The following MYOM1 variants were observed in gnomAD, a reference collection of about 807,000 sequenced individuals.
The protein encoded by MYOM1 is myomesin 1, also known as myomesin-1.
Under a neutral mutation model 205.3 loss-of-function variants are expected in MYOM1, and 164 were observed. The observed-to-expected ratio is 0.80, with a 90% CI of 0.70 to 0.91. The LOEUF is 0.91. Ranked by LOEUF, MYOM1 falls within the 40% of genes least tolerant of loss-of-function variation. The pLI is 0.00. For missense variants in MYOM1, 2,011 were observed against 2,127.3 expected, an observed-to-expected ratio of 0.95 and a Z score of 1.08; for synonymous variants, 772 against 789.4, an observed-to-expected ratio of 0.98 and a Z score of 0.37.
chr18:3,191,875 T>G (rs1343166324), intron 3 of MYOM1, among the ~76,000 whole-genome samples: 2 of 151,936 alleles, frequency 1.3e-5, no homozygotes, highest in Non-Finnish European at 2.9e-5. Context: ...TTTTTGTATT[T>G]TTAGTAGAGA....
Position 3,075,451 on chromosome 18 carries a change from T to G in MYOM1, c.4708+3A>C. 6.2e-7 allele frequency: 1 copy of G among 1,611,786 alleles called. No homozygotes were observed. The highest frequency in any genetic ancestry group is 8.5e-7 in the Non-Finnish European group (1 of 1,178,198). ...GTGAAAAGTAAAAAAAAAGTTTACT[T>G]ACTTTTCTCGGCAATGGCAGCTTGT... is the stretch of plus-strand genomic sequence containing the variant. On this transcript the variant is annotated splice_donor_region_variant and intron_variant, in intron 36 of 37. Transcript: ENST00000356443.
At chr18:3,242,708 C>A in the MYOM1 span, among the ~76,000 whole-genome samples, 1 of 152,072 alleles carries the variant, frequency 6.6e-6, no homozygotes, top group Non-Finnish European at 1.5e-5. Context: ...GGGGTTTCAC[C>A]ATGTTGGCCA....
At chr18:3,158,831 C>T (rs1428996024) in intron 10 of MYOM1, among the ~76,000 whole-genome samples, 1 of 152,168 alleles carries the variant, frequency 6.6e-6, no homozygotes, top group African/African-American at 2.4e-5. Context: ...CCAGGCTGGT[C>T]TTGAACTCCT....
rs1286885926 is a variant in MYOM1, at chr18:3,179,269, C to T, written c.930-3135G>A. 5.9e-5 allele frequency among the ~76,000 whole-genome samples: 9 copies of T among 152,110 alleles called. No homozygotes were observed. Among genetic ancestry groups the T allele is most frequent in the Non-Finnish European group, 1.2e-4 (8 of 68,026 alleles). On this transcript the variant is annotated intron_variant, in intron 5 of 37. Coordinates refer to ENST00000356443, the MANE Select transcript of MYOM1 (RefSeq NM_003803.4). This position sits in a 1 kb window ranked among gnomAD's most constrained non-coding sequence, Gnocchi z 4.4. ...TAAATTTGGTTGAACAGAATTAGCACGTAATGCAATAGATTAATTGTAGCT... is the reference window on the plus strand; with the variant it reads ...TAAATTTGGTTGAACAGAATTAGCATGTAATGCAATAGATTAATTGTAGCT...
At chr18:3,080,900 G>A (rs55832417) in intron 33 of MYOM1, among the ~76,000 whole-genome samples, 17,651 of 152,106 alleles carry the variant, frequency 0.12, 1,137 homozygotes, top group African/African-American at 0.15. Context: ...TTGGGAGGCC[G>A]AGGCAGGTGG....
intron 3 of MYOM1, among the ~76,000 whole-genome samples, chr18:3,191,989 C>A (rs536291083): frequency 1.3e-5 from 2 of 152,300 alleles, no homozygotes; most frequent in African/African-American, 4.8e-5. Flanking sequence ...AGCCACCGTG[C>A]CTGGCCTCAC....
intron 3 of MYOM1, among the ~76,000 whole-genome samples, chr18:3,191,898 G>A (rs567620148): frequency 1.6e-4 from 25 of 152,062 alleles, no homozygotes; most frequent in Middle Eastern, 6.8e-3. Flanking sequence ...GGGTTTCACC[G>A]TGTTAGCCAG....
At chr18:3,221,553 A>G (rs757313394), upstream of MYOM1, among the ~76,000 whole-genome samples, 44 of 152,390 alleles carry the variant, frequency 2.9e-4, no homozygotes, top group Non-Finnish European at 5.4e-4. Context: ...CACAGCGGGT[A>G]GATGACAGAA....
At chr18:3,148,844 C>CAAAAAAAAAA (rs71159049) in intron 13 of MYOM1, among the ~76,000 whole-genome samples, 6 of 47,946 alleles carry the variant, frequency 1.3e-4, no homozygotes, top group African/African-American at 2.9e-4. Flanking sequence ...AGACTCCATC[C>CAAAAAAAAAA]AAAAAAAAAA....
rs2080953784 is a variant in MYOM1, at chr18:3,193,803, A to G, written c.431+15T>C. On this transcript the variant is annotated intron_variant, in intron 3 of 37. Coordinates refer to ENST00000356443, the MANE Select transcript of MYOM1 (RefSeq NM_003803.4). ...CTTCTTAAAAATTAAAGCCAGGAAG[A>G]AAAAGCACACTCACCGTCCTGAGAA... The G allele has an allele frequency of 3.1e-6, 5 of 1,603,744 alleles. No homozygotes were observed. Among genetic ancestry groups the G allele is most frequent in the African/African-American group, 1.3e-5 (1 of 74,312 alleles).
At chr18:3,151,949 A>G in intron 11 of MYOM1, 56 bp from the exon 12 acceptor site, 5 of 1,547,638 alleles carry the variant, frequency 3.2e-6, no homozygotes, top group Non-Finnish European at 4.4e-6. Flanking sequence ...CTTAATGAAT[A>G]TCTCCAGAGC....
intron 9 of MYOM1, 49 bp downstream of exon 9, chr18:3,168,768 T>C (rs757925980): frequency 6.3e-7 from 1 of 1,599,910 alleles, no homozygotes; most frequent in Admixed American, 1.7e-5. Context: ...CAATCTGGTC[T>C]ACAACCTTCG....
At chr18:3,138,548 T>C (rs1449753661) in intron 14 of MYOM1, among the ~76,000 whole-genome samples, 1 of 152,236 alleles carries the variant, frequency 6.6e-6, no homozygotes, top group East Asian at 1.9e-4. Context: ...GTGTTTTTTA[T>C]GATAACATTA....
intron 20 of MYOM1, among the ~76,000 whole-genome samples, chr18:3,119,316 C>A: frequency 6.6e-6 from 1 of 152,198 alleles, no homozygotes; most frequent in Non-Finnish European, 1.5e-5. Context: ...AAACCCTAGA[C>A]AGGTGCACGA....
At position 3,071,898 on chromosome 18, in the gene MYOM1, A is replaced by C. The variant is rs759105315; in HGVS notation, c.4709-9T>G. On this transcript the variant is annotated splice_polypyrimidine_tract_variant and intron_variant, in intron 36 of 37. Transcript: ENST00000356443. ...CAACACCCGGGCACGATCTGCAAGCATAGGCATTTTGGGTTAATCACTGCA... is the reference window on the plus strand; with the variant it reads ...CAACACCCGGGCACGATCTGCAAGCCTAGGCATTTTGGGTTAATCACTGCA... 1.2e-6 allele frequency: 2 copies of C among 1,602,048 alleles called. No individual in the cohort carries two copies.
At chr18:3,174,639 G>A (rs2080609850) in intron 6 of MYOM1, among the ~76,000 whole-genome samples, 1 of 152,196 alleles carries the variant, frequency 6.6e-6, no homozygotes, top group South Asian at 2.1e-4. Context: ...TGGAGGGCGT[G>A]GCTTTCCTGC....
intron 5 of MYOM1, among the ~76,000 whole-genome samples, chr18:3,187,251 A>G (rs1238272203): frequency 1.3e-5 from 2 of 152,242 alleles, no homozygotes; most frequent in African/African-American, 4.8e-5. Flanking sequence ...ATCCATTTGT[A>G]TAATAGGATT....
At position 3,209,452 on chromosome 18, in the gene MYOM1, C is replaced by G. The variant is rs1292528338; in HGVS notation, c.290+5482G>C. 6.6e-6 allele frequency among the ~76,000 whole-genome samples: 1 copy of G among 152,226 alleles called. No homozygotes were observed. Among genetic ancestry groups the G allele is most frequent in the Non-Finnish European group, 1.5e-5 (1 of 68,036 alleles). On this transcript the variant is annotated intron_variant, in intron 2 of 37. Coordinates refer to ENST00000356443, the MANE Select transcript of MYOM1 (RefSeq NM_003803.4). The surrounding 1 kb of genome is among the most constrained non-coding windows in gnomAD (Gnocchi z 4.0). ...CACAGTGATGCTGTTACCACTGAGT[C>G]AGAGCATGTCGCTATTCTGCTCAAA...
chr18:3,154,485 A>T (rs1307941312), intron 11 of MYOM1, among the ~76,000 whole-genome samples: 1 of 151,904 alleles, frequency 6.6e-6, no homozygotes, highest in East Asian at 1.9e-4. Context: ...CTAAGTTCCA[A>T]AGATGAATTT....
Sources: gnomAD v4.1 joint callset for allele counts (sites outside exome capture counted in the v4.1 genomes callset) on GRCh38, gnomAD v4.1.1 for gene constraint, Gnocchi (gnomAD v3.1) non-coding constraint, MANE v1.5 for transcripts, NCBI Gene and HGNC (gene_info 2026-07-23, HGNC 2026-07-21) for gene names.